The following SDK1 variants were observed in gnomAD, a reference collection of about 807,000 sequenced individuals.
SDK1 encodes the protein sidekick cell adhesion molecule 1.
A neutral mutation model predicts 245.5 loss-of-function variants in SDK1; 157 were observed. The observed-to-expected ratio is 0.64, with a 90% CI of 0.56 to 0.73. SDK1 has a LOEUF of 0.73. SDK1 is among the 30% of genes least tolerant of loss of function. The probability of loss-of-function intolerance (pLI) is 0.00; values close to 1 mark genes in which losing one functional copy is unlikely to be tolerated. For synonymous variants in SDK1, 1,647 were observed against 1,278.5 expected (o/e 1.29, Z -6.15); for missense variants, 3,583 against 3,002.3 (o/e 1.19, Z -4.52).
chr7:4,239,892 A>C (rs1055625490), intron 42 of SDK1, among the ~76,000 whole-genome samples: 1 of 152,202 alleles, frequency 6.6e-6, no homozygotes, highest in Non-Finnish European at 1.5e-5. Flanking sequence ...CCCTGAGCCA[A>C]GGAGCCAGGC....
At chr7:3,730,928 G>C (rs771211273) in intron 4 of SDK1, among the ~76,000 whole-genome samples, 1 of 152,090 alleles carries the variant, frequency 6.6e-6, no homozygotes, top group Non-Finnish European at 1.5e-5. Flanking sequence ...TCAGGCCTAA[G>C]GTCCCAGATG....
intron 9 of SDK1, among the ~76,000 whole-genome samples, chr7:3,965,129 C>G (rs1328833956): frequency 6.6e-6 from 1 of 152,122 alleles, no homozygotes; most frequent in Non-Finnish European, 1.5e-5. Context: ...GCTGTAGTAA[C>G]CTAAGAGCAG....
rs926436920 is a variant in SDK1 at position 4,042,337 on chromosome 7, C to A, written c.2603-7011C>A. 1.5e-4 allele frequency among the ~76,000 whole-genome samples: 21 copies of A among 135,762 alleles called. 9 individuals are homozygous for A. The highest frequency in any genetic ancestry group is 7.1e-4 in the African/African-American group (21 of 29,430). The allele number at this position is 135,762 out of a possible 152,430, so 89.1% of individuals were successfully genotyped here. A position where few individuals can be genotyped will look rare whatever the true frequency, so the allele number is the denominator to read the frequency against. ...CACATATTTCCGTGGGATATAAAACCCCTAGTGCCTGAAACTGCTCTTCTG... is the reference window on the plus strand; with the variant it reads ...CACATATTTCCGTGGGATATAAAACACCTAGTGCCTGAAACTGCTCTTCTG... On this transcript the variant is annotated intron_variant, in intron 17 of 44. Coordinates refer to ENST00000404826, the MANE Select transcript of SDK1 (RefSeq NM_152744.4).
Position 3,504,104 on chromosome 7 carries a change from C to A in SDK1, c.299-114976C>A, listed in dbSNP as rs185844665. Among the ~76,000 whole-genome samples the A allele has an allele frequency of 1.1e-3, 170 of 151,336 alleles. 1 individual carries two copies. The highest frequency in any genetic ancestry group is 3.9e-3 in the African/African-American group (161 of 41,208). On this transcript the variant is annotated intron_variant, in intron 1 of 44. Transcript: ENST00000404826. ...GGCAGAGGTTGTAGTGAGCCAAGAT[C>A]GCGCCATTGCACTCCAGCCTGGGCA... is the stretch of plus-strand genomic sequence containing the variant.
At chr7:3,321,480 C>T (rs907622358) in intron 1 of SDK1, among the ~76,000 whole-genome samples, 4 of 152,134 alleles carry the variant, frequency 2.6e-5, no homozygotes, top group Non-Finnish European at 5.9e-5. Flanking sequence ...ATTGTAGGAA[C>T]TCAGTGCACT....
intron 1 of SDK1, among the ~76,000 whole-genome samples, chr7:3,612,390 C>G (rs919709): frequency 6.6e-6 from 1 of 151,878 alleles, no homozygotes; most frequent in Non-Finnish European, 1.5e-5. Context: ...AATTGTTGTC[C>G]TTAAAAAGAT....
chr7:3,939,989 A>T (rs1320204398), intron 5 of SDK1, among the ~76,000 whole-genome samples: 1 of 152,258 alleles, frequency 6.6e-6, no homozygotes, highest in Non-Finnish European at 1.5e-5. Context: ...TGAGACGCGT[A>T]GGCAATGTTC....
rs569695208 is a variant in SDK1 at position 3,680,898 on chromosome 7, A to G, written c.713+38793A>G. Among the ~76,000 whole-genome samples the G allele has an allele frequency of 2.3e-4, 35 of 152,296 alleles. 1 individual carries two copies. Among genetic ancestry groups the G allele is most frequent in the Middle Eastern group, 3.4e-3 (1 of 294 alleles). On this transcript the variant is annotated intron_variant, in intron 4 of 44. Transcript: ENST00000404826. The stretch of plus-strand genomic sequence containing the variant: ...TCGCTCTGTTGCCAGGCTGGAGTTC[A>G]GTGATGCTATCTTGGCTCACTGCAA...
chr7:3,576,873 G>A (rs764284471), intron 1 of SDK1, among the ~76,000 whole-genome samples: 6 of 151,980 alleles, frequency 3.9e-5, no homozygotes, highest in African/African-American at 4.8e-5. Context: ...ACTATTTGCC[G>A]GGACTGCTTA....
rs1444363128 is a variant in SDK1, at chr7:3,788,461, C to G, written c.714-32989C>G. 2.0e-5 allele frequency among the ~76,000 whole-genome samples: 3 copies of G among 152,154 alleles called. No homozygotes were observed. In the East Asian group the frequency reaches 5.8e-4, roughly 29 times the overall value. On this transcript the variant is annotated intron_variant, in intron 4 of 44. Transcript: ENST00000404826. ...CTGTCTGTGATATCTACCACCCAGT[C>G]TGCATTTGAAGTGGAATTATCTCCC...
At chr7:3,665,246 C>G (rs1389345310) in intron 4 of SDK1, among the ~76,000 whole-genome samples, 1 of 152,164 alleles carries the variant, frequency 6.6e-6, no homozygotes, top group African/African-American at 2.4e-5. Flanking sequence ...CACTATCATC[C>G]CCACCTACAG....
At chr7:4,054,301 A>G (rs971302141) in intron 19 of SDK1, among the ~76,000 whole-genome samples, 1 of 152,206 alleles carries the variant, frequency 6.6e-6, no homozygotes, top group Non-Finnish European at 1.5e-5. Flanking sequence ...ATGAAATAAT[A>G]TTGAGACCGT....
At chr7:3,744,710 G>A (rs1379416838) in intron 4 of SDK1, among the ~76,000 whole-genome samples, 2 of 152,002 alleles carry the variant, frequency 1.3e-5, no homozygotes, top group African/African-American at 4.8e-5. Context: ...TACTCGGGAG[G>A]CTGAGGCAGG....
chr7:3,343,797 A>G (rs1416787618), intron 1 of SDK1, among the ~76,000 whole-genome samples: 2 of 152,190 alleles, frequency 1.3e-5, no homozygotes, highest in Non-Finnish European at 2.9e-5. Flanking sequence ...GATAACAAGT[A>G]ACTCTTCAAT....
intron 4 of SDK1, among the ~76,000 whole-genome samples, chr7:3,714,368 G>A (rs1785138250): frequency 6.6e-6 from 1 of 152,100 alleles, no homozygotes; most frequent in African/African-American, 2.4e-5. Context: ...AATGATAGAA[G>A]TACCATAGGG....
chr7:3,859,961 C>G (rs1780648855), intron 5 of SDK1, among the ~76,000 whole-genome samples: 1 of 151,810 alleles, frequency 6.6e-6, no homozygotes, highest in South Asian at 2.1e-4. Context: ...ACTCTGTCGC[C>G]CAGGCTAGAG....
chr7:3,815,883 A>T (rs1264135570), intron 4 of SDK1, among the ~76,000 whole-genome samples: 1 of 147,500 alleles, frequency 6.8e-6, no homozygotes, highest in South Asian at 2.2e-4. Flanking sequence ...AACAGAAATT[A>T]TAACAAACTA....
intron 4 of SDK1, among the ~76,000 whole-genome samples, chr7:3,705,387 A>G (rs186289296): frequency 3.7e-4 from 56 of 149,738 alleles, no homozygotes; most frequent in Non-Finnish European, 7.3e-4. Context: ...AGTTCTCTGA[A>G]GAGATTTTTC....
intron 19 of SDK1, among the ~76,000 whole-genome samples, chr7:4,060,302 A>C (rs78281642): frequency 2.0e-5 from 3 of 152,210 alleles, no homozygotes; most frequent in Non-Finnish European, 4.4e-5. Flanking sequence ...AAAGATTTCA[A>C]ACAATCTAGT....
Sources: allele counts gnomAD v4.1 joint callset (sites outside exome capture counted in the v4.1 genomes callset), GRCh38; gene constraint gnomAD v4.1.1; transcripts MANE v1.5; gene names NCBI Gene and HGNC (gene_info 2026-07-23, HGNC 2026-07-21).